The following PDGFRB variants were observed in gnomAD, a reference collection of about 807,000 sequenced individuals.
PDGFRB encodes the protein platelet derived growth factor receptor beta.
A neutral mutation model predicts 120.2 loss-of-function variants in PDGFRB; 42 were observed. The ratio of observed to expected loss-of-function variants is 0.35; its 90% CI spans 0.27 to 0.45. The LOEUF is 0.45. Ranked by LOEUF, PDGFRB falls within the 20% of genes least tolerant of loss-of-function variation. The pLI is 1.00. For missense variants in PDGFRB, 1,149 were observed against 1,476.3 expected, an observed-to-expected ratio of 0.78 and a Z score of 3.63; for synonymous variants, 586 against 606.8, an observed-to-expected ratio of 0.97 and a Z score of 0.50.
rs1200320085 is a variant in PDGFRB at position 150,155,619 on chromosome 5, C to T, written c.-229G>A. 5.0e-6 allele frequency: 2 copies of T among 398,654 alleles called. No individual in the cohort carries two copies. Among genetic ancestry groups the T allele is most frequent in the Admixed American group, 4.4e-5 (1 of 22,716 alleles). The allele number at this position is 398,654 out of a possible 1,614,324, so 24.7% of individuals were successfully genotyped here. A position where few individuals can be genotyped will look rare whatever the true frequency, so the allele number is the denominator to read the frequency against. On this transcript the variant is annotated 5_prime_UTR_variant, in exon 1 of 23. Coordinates refer to ENST00000261799, the MANE Select transcript of PDGFRB (RefSeq NM_002609.4). ...GGCTGCTGTAGGGGAGAGGAGCGGCCCAGCTTCGCCTCACTCCCCAAGCAT... is the reference window on the plus strand; with the variant it reads ...GGCTGCTGTAGGGGAGAGGAGCGGCTCAGCTTCGCCTCACTCCCCAAGCAT...
intron 1 of PDGFRB, chr5:150,137,311 C>A (rs1760661408): frequency 2.2e-6 from 1 of 452,458 alleles, no homozygotes; most frequent in African/African-American, 2.0e-5. Flanking sequence ...GTGGCCTCGG[C>A]TGCGTCCCCA....
rs184327168 is a variant in PDGFRB at position 150,120,718 on chromosome 5, G to A, written c.2586+170C>T. ...GCACTCCTGGGCGGCTCCCCATCCT[G>A]TCCCTGCACACATAGCTGGGCAGGC... On this transcript the variant is annotated intron_variant, in intron 18 of 22. Coordinates refer to ENST00000261799, the MANE Select transcript of PDGFRB (RefSeq NM_002609.4). This position sits in a 1 kb window ranked among gnomAD's most constrained non-coding sequence, Gnocchi z 4.3. Among the ~76,000 whole-genome samples, 1 of 152,186 alleles carries A rather than the reference G, an allele frequency of 6.6e-6. No individual in the cohort carries two copies. Among genetic ancestry groups the A allele is most frequent in the African/African-American group, 2.4e-5 (1 of 41,522 alleles).
At chr5:150,126,201 T>C (rs1266559331) in intron 11 of PDGFRB, among the ~76,000 whole-genome samples, 1 of 152,194 alleles carries the variant, frequency 6.6e-6, no homozygotes, top group African/African-American at 2.4e-5. Flanking sequence ...CCTGGAAGAA[T>C]CCTGGAGCCC....
chr5:150,119,650 C>T (rs1263949869), intron 19 of PDGFRB, 84 bp from the exon 20 acceptor site: 4 of 843,530 alleles, frequency 4.7e-6, no homozygotes, highest in Non-Finnish European at 8.2e-6. Flanking sequence ...CAAGGAGAGC[C>T]ATGCTGGCCC....
rs2113884286 is a variant in PDGFRB, at chr5:150,117,808, G to A, written c.2947C>T (p.Pro983Ser). The change falls in exon 22 of 23, where the codon CCA becomes TCA. Residue 983 changes from proline (P) to serine (S), a missense_variant. Pro to Ser is a moderately conservative substitution (Grantham distance 74). Coordinates refer to ENST00000261799, the MANE Select transcript of PDGFRB (RefSeq NM_002609.4). ...CGGGCCTGGGACCGAAGGATGGCTG[G>A]GTGGTCACTCCTCAGAAACTCCTCA... ...VDEEFLRSDH[P>S]AILRSQARLP... 1 of 1,613,634 alleles carries A rather than the reference G, an allele frequency of 6.2e-7. No individual in the cohort carries two copies. The highest frequency in any genetic ancestry group is 8.5e-7 in the Non-Finnish European group (1 of 1,179,624).
rs151236133 is a variant in PDGFRB, at chr5:150,115,791, C to T, written c.3293G>A (p.Arg1098Gln). The change falls in exon 23 of 23, where the codon CGG becomes CAG. Residue 1098 changes from arginine (R) to glutamine (Q), a missense_variant. Arg to Gln is a conservative substitution (Grantham distance 43, BLOSUM62 1). This residue lies in a region of PDGFRB where 202 missense variants were observed against 214.3 expected (regional missense o/e 0.94). Coordinates refer to ENST00000261799, the MANE Select transcript of PDGFRB (RefSeq NM_002609.4). ...CAGGAAGCTATCCTCTGCTTCCGCCCGAGGCGCAGGGCACCCCGAATCCGG... is the reference window on the plus strand; with the variant it reads ...CAGGAAGCTATCCTCTGCTTCCGCCTGAGGCGCAGGGCACCCCGAATCCGG... ...QLPDSGCPAP[R>Q]AEAEDSFL 1.1e-5 allele frequency: 17 copies of T among 1,610,560 alleles called. No individual in the cohort carries two copies. Among genetic ancestry groups the T allele is most frequent in the African/African-American group, 4.0e-5 (3 of 74,790 alleles).
At position 150,133,676 on chromosome 5, in the gene PDGFRB, C is replaced by T. The variant is rs34586048; in HGVS notation, c.844G>A (p.Glu282Lys). Reference protein sequence around the residue: ...IRSILHIPSAELEDSGTYTCN... With the variant: ...IRSILHIPSAKLEDSGTYTCN... ...GTGTAGGTCCCCGAGTCTTCTAACT[C>T]GGCACTGGGGATGTGCAGGATGGAG... is the stretch of plus-strand genomic sequence containing the variant. Residue 282 changes from glutamate (E) to lysine (K), a missense_variant, in exon 6 of 23, where the codon GAG becomes AAG. By Grantham distance (56) the Glu-to-Lys change is moderately conservative. Coordinates refer to ENST00000261799, the MANE Select transcript of PDGFRB (RefSeq NM_002609.4). The T allele has an allele frequency of 1.9e-4, 313 of 1,614,034 alleles. No individual in the cohort carries two copies. The highest frequency in any genetic ancestry group is 8.2e-4 in the Middle Eastern group (5 of 6,062).
Position 150,117,684 on chromosome 5 carries a change from G to T in PDGFRB, c.3071C>A (p.Pro1024His), listed in dbSNP as rs375922340. ...AACCTCGGGTTTGGGGTCAGGCAGG[G>T]GGATGATATAGTCGTTGTCACCCTC... is the stretch of plus-strand genomic sequence containing the variant. ...PNEGDNDYII[P>H]LPDPKPEVAD... The change falls in exon 22 of 23, where the codon CCC becomes CAC. Residue 1024 changes from proline to histidine, a missense_variant. Around this residue, in one of 3 missense-constraint regions of PDGFRB, gnomAD observed 202 missense variants for 214.3 expected, o/e 0.94. Transcript: ENST00000261799. 1 of 1,613,916 alleles carries T rather than the reference G, an allele frequency of 6.2e-7. No homozygotes were observed. Among genetic ancestry groups the T allele is most frequent in the Non-Finnish European group, 8.5e-7 (1 of 1,179,872 alleles).
chr5:150,122,895 C>T, intron 15 of PDGFRB, 147 bp downstream of exon 15: 4 of 704,734 alleles, frequency 5.7e-6, no homozygotes, highest in Non-Finnish European at 7.3e-6. Flanking sequence ...CTGGGGTGGA[C>T]CATCTTGTGG....
chr5:150,126,656 G>T, intron 10 of PDGFRB, 42 bp from the exon 11 acceptor site: 1 of 1,046,786 alleles, frequency 9.6e-7, no homozygotes, highest in Non-Finnish European at 1.5e-6. Flanking sequence ...AAACTGGGCA[G>T]CTACCCTCCC....
chr5:150,137,264 T>C (rs1378445299), intron 1 of PDGFRB: 9 of 530,118 alleles, frequency 1.7e-5, no homozygotes, highest in Non-Finnish European at 2.7e-5. Context: ...AGCCTTGGGG[T>C]CCTGGCCTTT....
Position 150,121,665 on chromosome 5 carries a change from TC to T in PDGFRB, c.2344+214del, listed in dbSNP as rs1409307424. On this transcript the variant is annotated intron_variant, in intron 16 of 22. Coordinates refer to ENST00000261799, the MANE Select transcript of PDGFRB (RefSeq NM_002609.4). The surrounding 1 kb of genome is among the most constrained non-coding windows in gnomAD (Gnocchi z 4.1). ...TCCTCCCATATCCCTGCTCTCTCCC[TC>T]CCTGAGGGTTCTACGCATGTTTCCG... Among the ~76,000 whole-genome samples, 1 of 152,178 alleles carries T rather than the reference TC, an allele frequency of 6.6e-6. No individual in the cohort carries two copies. Among genetic ancestry groups the T allele is most frequent in the African/African-American group, 2.4e-5 (1 of 41,454 alleles).
chr5:150,121,126 T>G lies in PDGFRB; in HGVS notation c.2463+78A>C. On this transcript the variant is annotated intron_variant, in intron 17 of 22. Transcript: ENST00000261799. This position sits in a 1 kb window ranked among gnomAD's most constrained non-coding sequence, Gnocchi z 4.1. ...CCATGTGCGAGAGGCCACCCTGGTG[T>G]GCTCTTGGAGGATGCTGGCTGGCTG... 7.3e-7 allele frequency: 1 copy of G among 1,375,010 alleles called. No individual in the cohort carries two copies. Among genetic ancestry groups the G allele is most frequent in the South Asian group, 1.2e-5 (1 of 86,294 alleles). The allele number at this position is 1,375,010 out of a possible 1,614,324, so 85.2% of individuals were successfully genotyped here.
rs747109578 is a variant in PDGFRB, at chr5:150,130,603, G to A, written c.1303C>T (p.Arg435Cys). The change falls in exon 9 of 23, where the codon CGC becomes TGC. Residue 435 changes from arginine to cysteine, a missense_variant. By Grantham distance (180) the Arg-to-Cys change is radical. Around this residue, in one of 3 missense-constraint regions of PDGFRB, gnomAD observed 879 missense variants for 1,108.6 expected, o/e 0.79. Transcript: ENST00000261799. ...SHPDSGEQTV[R>C]CRGRGMPQPN... ...TGGGGCATGCCCCGGCCACGACAGC[G>A]GACTGTCTGTTCCCCACTGTCAGGG... 7.6e-5 allele frequency: 122 copies of A among 1,612,508 alleles called. No homozygotes were observed. Among genetic ancestry groups the A allele is most frequent in the Middle Eastern group, 3.3e-4 (2 of 6,080 alleles).
rs891405058 is a variant in PDGFRB, at chr5:150,155,729, G to A, written c.-339C>T. ...CAGGGCGAGCACAGGCTGCTGCTGGGCAGCAGGGCTGAGGGGCCGGCTCTC... is the reference window on the plus strand; with the variant it reads ...CAGGGCGAGCACAGGCTGCTGCTGGACAGCAGGGCTGAGGGGCCGGCTCTC... On this transcript the variant is annotated 5_prime_UTR_variant, in exon 1 of 23. Coordinates refer to ENST00000261799, the MANE Select transcript of PDGFRB (RefSeq NM_002609.4). 9 of 398,510 alleles carry A rather than the reference G, an allele frequency of 2.3e-5. No individual in the cohort carries two copies. The highest frequency in any genetic ancestry group is 4.0e-5 in the Non-Finnish European group (9 of 226,112). 24.7% of individuals were successfully genotyped at this position (398,510 alleles called of 1,614,324 possible). A position where few individuals can be genotyped will look rare whatever the true frequency, so the allele number is the denominator to read the frequency against.
chr5:150,134,895 C>T lies in PDGFRB; in HGVS notation c.486G>A (p.Glu162=), dbSNP rs147141808. ...TDPQLVVTLH[E]KKGDVALPVP... ...CAGGCAGTGCAACGTCCCCTTTCTT[C>T]TCGTGCAGTGTCACCACCAGCTGTG... The change falls in exon 4 of 23, where the codon GAG becomes GAA. Residue 162 remains glutamate (E), a synonymous_variant. Coordinates refer to ENST00000261799, the MANE Select transcript of PDGFRB (RefSeq NM_002609.4). The T allele has an allele frequency of 1.6e-4, 266 of 1,614,128 alleles. 2 individuals are homozygous for T. The East Asian group carries it at 5.7e-3, about 35-fold the overall frequency.
At chr5:150,150,222 T>C (rs991463939) in intron 1 of PDGFRB, among the ~76,000 whole-genome samples, 8 of 152,130 alleles carry the variant, frequency 5.3e-5, no homozygotes, top group Non-Finnish European at 7.4e-5. Flanking sequence ...GCACCTGTGG[T>C]GGAACAAAGG....
intron 14 of PDGFRB, among the ~76,000 whole-genome samples, chr5:150,123,963 G>C (rs958649051): frequency 6.6e-6 from 1 of 152,218 alleles, no homozygotes; most frequent in East Asian, 1.9e-4. Flanking sequence ...TTATTTATTG[G>C]TTTTCAAAAT....
chr5:150,127,833 T>TAAAAAA (rs56899708), intron 10 of PDGFRB, among the ~76,000 whole-genome samples: 2,704 of 62,366 alleles, frequency 0.043, 232 homozygotes, highest in Non-Finnish European at 0.056. Flanking sequence ...GACTCCATCT[T>TAAAAAA]AAAAAAAAAA....
Sources: gnomAD v4.1 joint callset for allele counts (sites outside exome capture counted in the v4.1 genomes callset) on GRCh38, gnomAD v4.1.1 for gene constraint, gnomAD v4.1.1 regional missense constraint, Gnocchi (gnomAD v3.1) non-coding constraint, MANE v1.5 for transcripts, NCBI Gene and HGNC (gene_info 2026-07-23, HGNC 2026-07-21) for gene names.